Variants in TUSC3 observed in about 807,000 individuals in gnomAD.
The protein encoded by TUSC3 is dolichyl-diphosphooligosaccharide--protein glycosyltransferase subunit TUSC3.
In TUSC3, 45 loss-of-function variants were observed where a neutral mutation model predicts 44.8. The ratio of observed to expected loss-of-function variants is 1.00; its 90% CI spans 0.79 to 1.29. The LOEUF is 1.29. Ranked by LOEUF, TUSC3 falls within the 50% of genes most tolerant of loss-of-function variation. The pLI is 0.00. For missense variants in TUSC3, 519 were observed against 437.9 expected, an observed-to-expected ratio of 1.19 and a Z score of -1.65; for synonymous variants, 212 against 152.9, an observed-to-expected ratio of 1.39 and a Z score of -2.85.
chr8:15,613,064 G>GATATATAT (rs34594440), intron 1 of TUSC3, among the ~76,000 whole-genome samples: 86 of 144,562 alleles, frequency 5.9e-4, no homozygotes, highest in African/African-American at 2.2e-3. Flanking sequence ...TTATATATAT[G>GATATATAT]ATATATATAT....
chr8:15,451,483 C>A (rs1201508890), intron 1 of TUSC3, among the ~76,000 whole-genome samples: 2 of 152,064 alleles, frequency 1.3e-5, no homozygotes, highest in Non-Finnish European at 2.9e-5. Flanking sequence ...CCATAAAAAG[C>A]CAAAAGGATA....
the TUSC3 span, among the ~76,000 whole-genome samples, chr8:15,833,260 G>A: frequency 5.3e-5 from 8 of 152,144 alleles, no homozygotes; most frequent in African/African-American, 1.9e-4. Flanking sequence ...CGCTGTTGAT[G>A]GGAGTGTAAA....
the TUSC3 span, among the ~76,000 whole-genome samples, chr8:15,841,192 C>CAT: frequency 6.6e-6 from 1 of 151,944 alleles, no homozygotes; most frequent in African/African-American, 2.4e-5. Flanking sequence ...TACACACACA[C>CAT]ATATATACAT....
chr8:15,501,097 A>G (rs978905922), intron 2 of TUSC3, among the ~76,000 whole-genome samples: 2 of 152,128 alleles, frequency 1.3e-5, no homozygotes, highest in African/African-American at 4.8e-5. Context: ...CACTGTAAAC[A>G]TTTGGCCCCT....
the TUSC3 span, among the ~76,000 whole-genome samples, chr8:15,796,412 C>A: frequency 6.6e-6 from 1 of 152,176 alleles, no homozygotes; most frequent in East Asian, 1.9e-4. Flanking sequence ...ACCTAGGCCA[C>A]TGGGAACAGC....
chr8:15,586,014 T>G (rs529462415), intron 1 of TUSC3, among the ~76,000 whole-genome samples: 12 of 152,200 alleles, frequency 7.9e-5, no homozygotes, highest in Admixed American at 4.6e-4. Context: ...TGAAGAAGGT[T>G]GAGGAGTAGT....
intron 2 of TUSC3, among the ~76,000 whole-genome samples, chr8:15,507,687 A>G (rs1025517484): frequency 4.6e-5 from 7 of 152,224 alleles, no homozygotes; most frequent in African/African-American, 1.4e-4. Context: ...AAAATATGTT[A>G]TGAGCACTAA....
Position 15,764,473 on chromosome 8 carries a change from A to G in TUSC3, c.*317A>G, listed in dbSNP as rs1314097556. ...GTGCCACAGGATTGAAATAAATGAC[A>G]ATGTAATTATGAATTCATGTTTTAG... is the stretch of plus-strand genomic sequence containing the variant. On this transcript the variant is annotated 3_prime_UTR_variant, in exon 11 of 11. Coordinates refer to ENST00000503731, the MANE Select transcript of TUSC3 (RefSeq NM_006765.4). 13 of 411,772 alleles carry G rather than the reference A, an allele frequency of 3.2e-5. No individual in the cohort carries two copies. Among genetic ancestry groups the G allele is most frequent in the Non-Finnish European group, 3.7e-5 (8 of 218,938 alleles). 25.5% of individuals were successfully genotyped at this position (411,772 alleles called of 1,614,324 possible).
At chr8:15,759,763 C>A (rs796970591) in intron 10 of TUSC3, among the ~76,000 whole-genome samples, 13 of 152,100 alleles carry the variant, frequency 8.5e-5, no homozygotes, top group Non-Finnish European at 1.8e-4. Context: ...CAAGTCCTGA[C>A]CTTTCTCATG....
At chr8:15,500,789 T>C (rs17611658) in intron 2 of TUSC3, among the ~76,000 whole-genome samples, 38,159 of 152,050 alleles carry the variant, frequency 0.25, 5,590 homozygotes, top group Admixed American at 0.41. Flanking sequence ...AAAAGTCCCA[T>C]GATTTATTTT....
At chr8:15,569,359 T>C (rs1408790463) in intron 1 of TUSC3, among the ~76,000 whole-genome samples, 2 of 152,166 alleles carry the variant, frequency 1.3e-5, no homozygotes, top group Non-Finnish European at 2.9e-5. Context: ...TCCATAAATA[T>C]AGATGAATTG....
chr8:15,848,577 C>T, the TUSC3 span, among the ~76,000 whole-genome samples: 2 of 130,186 alleles, frequency 1.5e-5, no homozygotes, highest in Non-Finnish European at 3.7e-5. Context: ...AATAAACCCA[C>T]TTCTACATGG....
the TUSC3 span, among the ~76,000 whole-genome samples, chr8:15,846,607 A>T: frequency 1.3e-5 from 2 of 152,164 alleles, no homozygotes; most frequent in Admixed American, 6.5e-5. Context: ...TAACATAAGA[A>T]CAGAAAACCA....
intron 1 of TUSC3, among the ~76,000 whole-genome samples, chr8:15,456,328 T>C (rs1800256368): frequency 6.6e-6 from 1 of 152,130 alleles, no homozygotes; most frequent in African/African-American, 2.4e-5. Context: ...GTTGAGAAAG[T>C]TTTACACCAA....
chr8:15,692,371 C>CCCCCCTT (rs1563175839), intron 6 of TUSC3, among the ~76,000 whole-genome samples: 2 of 18,816 alleles, frequency 1.1e-4, no homozygotes, highest in Admixed American at 6.2e-4. Context: ...CCCCCCCCCC[C>CCCCCCTT]TTTGTTTTTT....
chr8:15,560,291 G>C (rs574100507), intron 1 of TUSC3, among the ~76,000 whole-genome samples: 93 of 142,964 alleles, frequency 6.5e-4, no homozygotes, highest in African/African-American at 2.3e-3. Flanking sequence ...ATGAAATTCT[G>C]GGTTGAAATT....
the TUSC3 span, among the ~76,000 whole-genome samples, chr8:15,817,957 T>C: frequency 6.6e-6 from 1 of 152,126 alleles, no homozygotes; most frequent in Non-Finnish European, 1.5e-5. Context: ...CCCTGACTTA[T>C]ACCGGTGACT....
chr8:15,732,762 C>T (rs76451339), intron 7 of TUSC3, among the ~76,000 whole-genome samples: 3 of 152,088 alleles, frequency 2.0e-5, no homozygotes, highest in East Asian at 1.9e-4. Flanking sequence ...GATTACAAAT[C>T]GCGTTTATAT....
intron 6 of TUSC3, among the ~76,000 whole-genome samples, chr8:15,719,723 A>G (rs118076341): frequency 3.1e-3 from 473 of 152,238 alleles, no homozygotes; most frequent in Admixed American, 9.2e-3. Context: ...ACTTTAACTT[A>G]TTATAACTAC....
Sources: gnomAD v4.1 joint callset for allele counts (sites outside exome capture counted in the v4.1 genomes callset) on GRCh38, gnomAD v4.1.1 for gene constraint, MANE v1.5 for transcripts, NCBI Gene and HGNC (gene_info 2026-07-23, HGNC 2026-07-21) for gene names.